CDH4: variants seen among roughly 807,000 people sequenced by gnomAD.
The protein encoded by CDH4 is cadherin 4.
Under a neutral mutation model 86.0 loss-of-function variants are expected in CDH4, and 33 were observed. The observed-to-expected ratio is 0.38, with a 90% confidence interval of 0.29 to 0.51. The LOEUF (loss-of-function observed/expected upper bound fraction) is 0.51. CDH4 is among the 20% of genes least tolerant of loss of function. CDH4 has a pLI of 0.86. For missense variants in CDH4, 1,114 were observed against 1,307.4 expected, an observed-to-expected ratio of 0.85 and a Z score of 2.28; for synonymous variants, 555 against 549.4, an observed-to-expected ratio of 1.01 and a Z score of -0.14.
chr20:61,640,653 A>T (rs1251947691), intron 2 of CDH4, among the ~76,000 whole-genome samples: 1 of 152,158 alleles, frequency 6.6e-6, no homozygotes, highest in Non-Finnish European at 1.5e-5. Context: ...CGGACTGGAG[A>T]TGCATCTTTA....
At chr20:61,588,625 C>T (rs1448500421) in intron 2 of CDH4, among the ~76,000 whole-genome samples, 1 of 152,092 alleles carries the variant, frequency 6.6e-6, no homozygotes, top group Non-Finnish European at 1.5e-5. Flanking sequence ...CCAGGGCCCT[C>T]CCCCTCCCGA....
Position 61,811,900 on chromosome 20 carries a change from G to C in CDH4, c.577-32768G>C, listed in dbSNP as rs990109743. Among the ~76,000 whole-genome samples the C allele has an allele frequency of 1.3e-5, 2 of 152,108 alleles. No homozygotes were observed. The highest frequency in any genetic ancestry group is 1.5e-5 in the Non-Finnish European group (1 of 67,972). Reference sequence around the variant, plus strand: ...TTGGCCAGGCTGGTCTCGAACTCCTGACCGCAGGTGATCCACCTACCTCGG... The same window carrying C: ...TTGGCCAGGCTGGTCTCGAACTCCTCACCGCAGGTGATCCACCTACCTCGG... On this transcript the variant is annotated intron_variant, in intron 4 of 15. Transcript: ENST00000614565. This position sits in a 1 kb window ranked among gnomAD's most constrained non-coding sequence, Gnocchi z 4.4.
intron 4 of CDH4, among the ~76,000 whole-genome samples, chr20:61,774,644 T>A (rs984095641): frequency 6.6e-6 from 1 of 151,928 alleles, no homozygotes; most frequent in Non-Finnish European, 1.5e-5. Context: ...AAGCCCAGCA[T>A]CCATTAGCTA....
chr20:61,626,501 G>A (rs561446185), intron 2 of CDH4, among the ~76,000 whole-genome samples: 27 of 152,160 alleles, frequency 1.8e-4, no homozygotes, highest in African/African-American at 5.8e-4. Flanking sequence ...GGGGGGTGGG[G>A]GTGGCACAGA....
rs141849071 is a variant in CDH4 at position 61,657,846 on chromosome 20, T to A, written c.170-85717T>A. Among the ~76,000 whole-genome samples, 3 of 152,198 alleles carry A rather than the reference T, an allele frequency of 2.0e-5. No homozygotes were observed. In the East Asian group the frequency reaches 5.8e-4, roughly 29 times the overall value. ...ATGTCAGTAAAATAACCTAATCCTT[T>A]AAAAATACAGTGCTGTGCCCATTTG... On this transcript the variant is annotated intron_variant, in intron 2 of 15. Coordinates refer to ENST00000614565, the MANE Select transcript of CDH4 (RefSeq NM_001794.5).
intron 2 of CDH4, among the ~76,000 whole-genome samples, chr20:61,343,678 A>G (rs1317170385): frequency 1.3e-5 from 2 of 152,206 alleles, no homozygotes; most frequent in Non-Finnish European, 1.5e-5. Context: ...TGTGGTTTGC[A>G]TCATGTCTCC....
chr20:61,721,765 C>T (rs1039709818), intron 2 of CDH4, among the ~76,000 whole-genome samples: 3 of 152,158 alleles, frequency 2.0e-5, no homozygotes, highest in Non-Finnish European at 4.4e-5. Flanking sequence ...TCAATCACCT[C>T]CAAACTGACT....
chr20:61,587,359 G>A (rs2086485837), intron 2 of CDH4, among the ~76,000 whole-genome samples: 1 of 152,148 alleles, frequency 6.6e-6, no homozygotes, highest in Non-Finnish European at 1.5e-5. Flanking sequence ...CATTCCCAGA[G>A]CCCCTGGGAC....
chr20:61,541,976 G>A (rs1390684278), intron 2 of CDH4, among the ~76,000 whole-genome samples: 1 of 152,178 alleles, frequency 6.6e-6, no homozygotes, highest in Non-Finnish European at 1.5e-5. Flanking sequence ...TGAAAGGTGA[G>A]TGGAAGTGGT....
chr20:61,617,799 G>C (rs1207166588), intron 2 of CDH4, among the ~76,000 whole-genome samples: 1 of 152,156 alleles, frequency 6.6e-6, no homozygotes, highest in Non-Finnish European at 1.5e-5. Context: ...GGCCTGATAG[G>C]GTTTGGCTGT....
rs1288192346 is a variant in CDH4, at chr20:61,383,492, AATATATTATATATGAT to A, written c.169+128562_169+128577del. On this transcript the variant is annotated intron_variant, in intron 2 of 15. Coordinates refer to ENST00000614565, the MANE Select transcript of CDH4 (RefSeq NM_001794.5). ...ATATGAATATATATGATATATATGA[AATATATTATATATGAT>A]ATATATGAATATGTATGAATATATA... 6.8e-5 allele frequency among the ~76,000 whole-genome samples: 4 copies of A among 58,876 alleles called. 1 individual carries two copies. In the South Asian group the frequency reaches 1.2e-3, roughly 18 times the overall value. The allele number at this position is 58,876 out of a possible 152,430, so 38.6% of individuals were successfully genotyped here.
chr20:61,878,714 T>A (rs1984148606), intron 7 of CDH4, among the ~76,000 whole-genome samples: 2 of 152,238 alleles, frequency 1.3e-5, no homozygotes, highest in African/African-American at 4.8e-5. Context: ...TGTGACCCCT[T>A]GGCCGGAGGA....
chr20:61,309,443 C>T (rs1279853742), intron 2 of CDH4, among the ~76,000 whole-genome samples: 1 of 151,448 alleles, frequency 6.6e-6, no homozygotes, highest in East Asian at 1.9e-4. Flanking sequence ...CATAGAGGTG[C>T]TCAGCTGTCT....
chr20:61,476,395 G>A (rs1373670272), intron 2 of CDH4, among the ~76,000 whole-genome samples: 1 of 152,222 alleles, frequency 6.6e-6, no homozygotes, highest in African/African-American at 2.4e-5. Context: ...GCACGTGTGT[G>A]TGTTCTGAAC....
intron 4 of CDH4, among the ~76,000 whole-genome samples, chr20:61,806,595 A>T (rs1980147212): frequency 6.6e-6 from 1 of 152,088 alleles, no homozygotes. Flanking sequence ...ATGCAGTACC[A>T]TCGGAGCAGG....
intron 3 of CDH4, among the ~76,000 whole-genome samples, chr20:61,753,802 G>A (rs577534043): frequency 5.3e-5 from 8 of 152,340 alleles, no homozygotes; most frequent in East Asian, 1.9e-4. Flanking sequence ...GGGTCCAGGC[G>A]CTGACCTGTG....
At chr20:61,762,491 A>G (rs1214049962) in intron 3 of CDH4, among the ~76,000 whole-genome samples, 1 of 152,238 alleles carries the variant, frequency 6.6e-6, no homozygotes, top group Non-Finnish European at 1.5e-5. Context: ...CACATGGCTC[A>G]CAGGGGTGTG....
chr20:61,659,857 G>C (rs1215975490), intron 2 of CDH4, among the ~76,000 whole-genome samples: 1 of 152,232 alleles, frequency 6.6e-6, no homozygotes, highest in African/African-American at 2.4e-5. Flanking sequence ...CAGGGCTGCA[G>C]CTGCAGCCTC....
chr20:61,565,909 C>G (rs1052452466), intron 2 of CDH4, among the ~76,000 whole-genome samples: 41 of 152,298 alleles, frequency 2.7e-4, no homozygotes, highest in Middle Eastern at 3.4e-3. Context: ...GCATCCACCC[C>G]CTCTGTCCTC....
Sources: allele counts gnomAD v4.1 joint callset (sites outside exome capture counted in the v4.1 genomes callset), GRCh38; gene constraint gnomAD v4.1.1; non-coding constraint Gnocchi (gnomAD v3.1); transcripts MANE v1.5; gene names NCBI Gene and HGNC (gene_info 2026-07-23, HGNC 2026-07-21).